Variants in NTM observed in about 807,000 individuals in gnomAD.
NTM encodes IgLON family member 2.
Under a neutral mutation model 42.1 loss-of-function variants are expected in NTM, and 13 were observed. The ratio of observed to expected loss-of-function variants is 0.31; its 90% CI spans 0.20 to 0.49. The LOEUF (loss-of-function observed/expected upper bound fraction) is 0.49, where lower values mean the gene tolerates loss of function less well. Ranked by LOEUF, NTM falls within the 20% of genes least tolerant of loss-of-function variation. The probability of loss-of-function intolerance (pLI) is 0.99; values close to 1 mark genes in which losing one functional copy is unlikely to be tolerated. For synonymous variants in NTM, 187 were observed against 179.2 expected (o/e 1.04, Z -0.35); for missense variants, 373 against 452.8 (o/e 0.82, Z 1.60).
At chr11:132,313,276 A>G (rs1275988539) in intron 6 of NTM, among the ~76,000 whole-genome samples, 1 of 152,038 alleles carries the variant, frequency 6.6e-6, no homozygotes, top group African/African-American at 2.4e-5. Flanking sequence ...TTTCCTCATC[A>G]TTGTCAAACA....
At chr11:131,896,473 A>G (rs1449012977) in intron 1 of NTM, among the ~76,000 whole-genome samples, 1 of 152,216 alleles carries the variant, frequency 6.6e-6, no homozygotes, top group Non-Finnish European at 1.5e-5. Context: ...AAGGATGTAG[A>G]ATTAATTGAT....
At chr11:131,911,726 C>T in intron 2 of NTM, 78 bp downstream of exon 2, 3 of 1,566,970 alleles carry the variant, frequency 1.9e-6, no homozygotes, top group Non-Finnish European at 2.6e-6. Context: ...GGTGTGTGCA[C>T]TGAGGCGTGC....
chr11:131,625,997 A>G (rs1035681132), intron 1 of NTM, among the ~76,000 whole-genome samples: 2 of 152,152 alleles, frequency 1.3e-5, no homozygotes, highest in Non-Finnish European at 2.9e-5. Flanking sequence ...TGCAGCTTTT[A>G]TCTGTGGCAC....
intron 1 of NTM, among the ~76,000 whole-genome samples, chr11:131,796,518 G>A (rs916976805): frequency 2.0e-5 from 3 of 152,192 alleles, no homozygotes; most frequent in African/African-American, 4.8e-5. Context: ...ACACAAAGGG[G>A]CAAGTGCCTG....
intron 1 of NTM, among the ~76,000 whole-genome samples, chr11:131,724,074 G>T (rs147279298): frequency 6.6e-6 from 1 of 152,122 alleles, no homozygotes; most frequent in African/African-American, 2.4e-5. Context: ...GAGGAGGGAG[G>T]GACAACACTT....
intron 7 of NTM, among the ~76,000 whole-genome samples, chr11:132,321,648 C>A (rs1161113064): frequency 6.6e-6 from 1 of 151,898 alleles, no homozygotes; most frequent in Non-Finnish European, 1.5e-5. Context: ...GCAAGGCAGG[C>A]CAACATTCAG....
At chr11:131,542,786 A>C (rs2136819596) in intron 1 of NTM, among the ~76,000 whole-genome samples, 2 of 152,288 alleles carry the variant, frequency 1.3e-5, no homozygotes, top group South Asian at 2.1e-4. Flanking sequence ...GAGGGAAGGA[A>C]GAAAGAGCCT....
intron 4 of NTM, among the ~76,000 whole-genome samples, chr11:132,301,222 C>T (rs779340576): frequency 1.1e-4 from 17 of 152,130 alleles, no homozygotes; most frequent in South Asian, 2.1e-4. Context: ...GAGTGCCCAG[C>T]GAAGTGGGAA....
chr11:131,644,144 T>C lies in NTM; in HGVS notation c.83-267420T>C, dbSNP rs926665902. On this transcript the variant is annotated intron_variant, in intron 1 of 8. Transcript: ENST00000683400. The stretch of plus-strand genomic sequence containing the variant: ...CGACCTCCCCAAGAGATTCCTTCCC[T>C]TCATCTTCAGCTTCCCTTCCTCTCT... Among the ~76,000 whole-genome samples the C allele has an allele frequency of 9.2e-5, 14 of 152,272 alleles. 1 individual carries two copies. Among genetic ancestry groups the C allele is most frequent in the Admixed American group, 9.2e-4 (14 of 15,296 alleles).
chr11:131,486,867 C>T (rs755432548), intron 1 of NTM, among the ~76,000 whole-genome samples: 2 of 152,194 alleles, frequency 1.3e-5, no homozygotes, highest in African/African-American at 2.4e-5. Flanking sequence ...AGGAAGCAGA[C>T]GAATAGCGGG....
chr11:132,043,068 A>G (rs2077421757), intron 2 of NTM, among the ~76,000 whole-genome samples: 1 of 152,346 alleles, frequency 6.6e-6, no homozygotes, highest in South Asian at 2.1e-4. Flanking sequence ...GGCAGTTCTT[A>G]TGATGCTGTA....
chr11:132,118,787 T>G (rs1036745049), intron 2 of NTM, among the ~76,000 whole-genome samples: 7 of 152,178 alleles, frequency 4.6e-5, no homozygotes, highest in African/African-American at 1.7e-4. Context: ...ATTAGGCTGG[T>G]TTCAATGAAA....
chr11:131,649,973 G>T (rs7927283), intron 1 of NTM, among the ~76,000 whole-genome samples: 7 of 152,136 alleles, frequency 4.6e-5, no homozygotes, highest in African/African-American at 7.2e-5. Flanking sequence ...GAGCAGACAC[G>T]CTTCTTTCCC....
intron 3 of NTM, among the ~76,000 whole-genome samples, chr11:132,176,628 G>C (rs2076848208): frequency 6.6e-6 from 1 of 150,984 alleles, no homozygotes; most frequent in South Asian, 2.1e-4. Flanking sequence ...GATTATGCTT[G>C]ACATGTGTTA....
chr11:131,471,471 A>G (rs1313678931), intron 1 of NTM, among the ~76,000 whole-genome samples: 1 of 152,198 alleles, frequency 6.6e-6, no homozygotes, highest in Admixed American at 6.5e-5. Context: ...TGTAATAGTT[A>G]CATGTGCTAC....
Sources: gnomAD v4.1 joint callset for allele counts (sites outside exome capture counted in the v4.1 genomes callset) on GRCh38, gnomAD v4.1.1 for gene constraint, MANE v1.5 for transcripts, NCBI Gene and HGNC (gene_info 2026-07-23, HGNC 2026-07-21) for gene names.